The following BRIP1 variants were observed in gnomAD, a reference collection of about 807,000 sequenced individuals.
BRIP1 encodes the protein BRCA1 interacting DNA helicase 1, also known as Fanconi anemia group J protein.
Under a neutral mutation model 119.7 loss-of-function variants are expected in BRIP1, and 88 were observed. That is an observed-to-expected ratio of 0.74 (90% CI 0.62 to 0.88). The LOEUF (loss-of-function observed/expected upper bound fraction) is 0.88. Ranked by LOEUF, BRIP1 falls within the 40% of genes least tolerant of loss-of-function variation. The probability of loss-of-function intolerance (pLI) is 0.00; values close to 1 mark genes in which losing one functional copy is unlikely to be tolerated. For synonymous variants in BRIP1, 443 were observed against 496.5 expected (o/e 0.89, Z 1.43); for missense variants, 1,259 against 1,455.4 (o/e 0.87, Z 2.20).
At position 61,793,811 on chromosome 17, in the gene BRIP1, T is replaced by C. The variant is rs2077859182; in HGVS notation, c.1341-82A>G. The stretch of plus-strand genomic sequence containing the variant: ...AGCAGAACAAGAGAATCATCATTAT[T>C]GTCATGCGTTGATCTGTATATCTTG... On this transcript the variant is annotated intron_variant, in intron 9 of 19. Transcript: ENST00000259008. The surrounding 1 kb of genome is among the most constrained non-coding windows in gnomAD (Gnocchi z 5.2). The C allele has an allele frequency of 7.1e-7, 1 of 1,404,208 alleles. No homozygotes were observed. The highest frequency in any genetic ancestry group is 1.4e-5 in the African/African-American group (1 of 70,516). The allele number at this position is 1,404,208 out of a possible 1,614,324, so 87.0% of individuals were successfully genotyped here.
Position 61,757,145 on chromosome 17 carries a change from T to A in BRIP1, c.2098-12554A>T, listed in dbSNP as rs1161355297. 6.6e-6 allele frequency among the ~76,000 whole-genome samples: 1 copy of A among 152,192 alleles called. No individual in the cohort carries two copies. Among genetic ancestry groups the A allele is most frequent in the African/African-American group, 2.4e-5 (1 of 41,462 alleles). The stretch of plus-strand genomic sequence containing the variant: ...AAAAAGAGTTCCTTTTAAATACTAA[T>A]AAAAATGAAAAAGTAGTAGTGTTTT... On this transcript the variant is annotated intron_variant, in intron 14 of 19. Transcript: ENST00000259008. The surrounding 1 kb of genome is among the most constrained non-coding windows in gnomAD (Gnocchi z 4.3).
At chr17:61,786,934 T>C (rs1394812546) in intron 10 of BRIP1, among the ~76,000 whole-genome samples, 1 of 6,724 alleles carries the variant, frequency 1.5e-4, no homozygotes, top group African/African-American at 1.2e-3. Flanking sequence ...TATTTATATA[T>C]AATATATTTA....
In BRIP1 at chr17:61,724,001, C is replaced by T. The variant is rs1343307057; in HGVS notation, c.2380-7938G>A. On this transcript the variant is annotated intron_variant, in intron 16 of 19. Coordinates refer to ENST00000259008, the MANE Select transcript of BRIP1 (RefSeq NM_032043.3). This position sits in a 1 kb window ranked among gnomAD's most constrained non-coding sequence, Gnocchi z 5.1. ...CATGTAGCTGCTTGAGTTTGCAACC[C>T]ATTGGTTCAGATGCTGCATAGATTC... Among the ~76,000 whole-genome samples, 3 of 151,992 alleles carry T rather than the reference C, an allele frequency of 2.0e-5. No individual in the cohort carries two copies. Among genetic ancestry groups the T allele is most frequent in the African/African-American group, 4.8e-5 (2 of 41,386 alleles).
At chr17:61,859,049 C>CAAAAAA in intron 3 of BRIP1, among the ~76,000 whole-genome samples, 1 of 45,120 alleles carries the variant, frequency 2.2e-5, no homozygotes, top group Non-Finnish European at 4.7e-5. Flanking sequence ...TGACGCCACT[C>CAAAAAA]AAAAAAAAAA....
intron 16 of BRIP1, among the ~76,000 whole-genome samples, chr17:61,721,382 G>A (rs1386081318): frequency 6.8e-6 from 1 of 146,714 alleles, no homozygotes; most frequent in Non-Finnish European, 1.5e-5. Flanking sequence ...AGATTCTCCT[G>A]CCTCAGCCTC....
intron 14 of BRIP1, among the ~76,000 whole-genome samples, chr17:61,773,000 C>T (rs962576736): frequency 4.6e-5 from 7 of 151,694 alleles, no homozygotes; most frequent in African/African-American, 1.7e-4. Context: ...TATAACCATT[C>T]TAACATTATT....
Position 61,743,153 on chromosome 17 carries a change from G to C in BRIP1, c.2258-19C>G, listed in dbSNP as rs1057524575. 6.2e-7 allele frequency: 1 copy of C among 1,613,230 alleles called. No homozygotes were observed. The highest frequency in any genetic ancestry group is 1.1e-5 in the South Asian group (1 of 91,056). On this transcript the variant is annotated intron_variant, in intron 15 of 19. Coordinates refer to ENST00000259008, the MANE Select transcript of BRIP1 (RefSeq NM_032043.3). The surrounding 1 kb of genome is among the most constrained non-coding windows in gnomAD (Gnocchi z 4.3). ...GCTCCATCTTAAACAACAGAAAAAAGCATATCCAAAATTCTCAGAAATTGC... is the reference window on the plus strand; with the variant it reads ...GCTCCATCTTAAACAACAGAAAAAACCATATCCAAAATTCTCAGAAATTGC...
chr17:61,777,265 A>G (rs1324309121), intron 13 of BRIP1, among the ~76,000 whole-genome samples: 1 of 152,104 alleles, frequency 6.6e-6, no homozygotes, highest in African/African-American at 2.4e-5. Context: ...CATTGAGTAG[A>G]AAAAAACAAA....
intron 13 of BRIP1, among the ~76,000 whole-genome samples, chr17:61,779,640 A>G (rs2077583994): frequency 6.6e-6 from 1 of 151,978 alleles, no homozygotes; most frequent in Non-Finnish European, 1.5e-5. Flanking sequence ...AGTAAAAATA[A>G]AAATACAGAG....
chr17:61,747,231 A>C (rs2077069949), intron 14 of BRIP1, among the ~76,000 whole-genome samples: 1 of 152,142 alleles, frequency 6.6e-6, no homozygotes, highest in Non-Finnish European at 1.5e-5. Flanking sequence ...ATTAAAAAAG[A>C]AAGATCTCAA....
chr17:61,797,135 A>T (rs1034212785), intron 9 of BRIP1, among the ~76,000 whole-genome samples: 8 of 151,976 alleles, frequency 5.3e-5, no homozygotes, highest in African/African-American at 1.7e-4. Flanking sequence ...GAAGCTAGAG[A>T]CATAGGTTCA....
At chr17:61,858,128 T>G (rs560077995) in intron 3 of BRIP1, among the ~76,000 whole-genome samples, 41 of 152,280 alleles carry the variant, frequency 2.7e-4, no homozygotes, top group African/African-American at 9.1e-4. Flanking sequence ...TGTAATAAGT[T>G]TACATTGTGT....
In BRIP1 at chr17:61,778,538, G is replaced by A. The variant is rs145467673; in HGVS notation, c.1935+1723C>T. Among the ~76,000 whole-genome samples, 865 of 152,260 alleles carry A rather than the reference G, an allele frequency of 5.7e-3. 5 individuals carry two copies. The highest frequency in any genetic ancestry group is 0.02 in the African/African-American group (827 of 41,550). The stretch of plus-strand genomic sequence containing the variant: ...TTTTAAGTTGAAGGAAAATATTACA[G>A]TGTAACAGAATCCAGCTGCACAACT... On this transcript the variant is annotated intron_variant, in intron 13 of 19. Coordinates refer to ENST00000259008, the MANE Select transcript of BRIP1 (RefSeq NM_032043.3). This position sits in a 1 kb window ranked among gnomAD's most constrained non-coding sequence, Gnocchi z 4.4.
In BRIP1 at chr17:61,856,243, G is replaced by C. The variant is rs1015720398; in HGVS notation, c.379+815C>G. Reference sequence around the variant, plus strand: ...TCTACCCTCCTCTATATAGTCACATGCTTTAGAGGAAGCTGACTCCATCCT... The same window carrying C: ...TCTACCCTCCTCTATATAGTCACATCCTTTAGAGGAAGCTGACTCCATCCT... On this transcript the variant is annotated intron_variant, in intron 4 of 19. Coordinates refer to ENST00000259008, the MANE Select transcript of BRIP1 (RefSeq NM_032043.3). This position sits in a 1 kb window ranked among gnomAD's most constrained non-coding sequence, Gnocchi z 5.1. Among the ~76,000 whole-genome samples the C allele has an allele frequency of 1.3e-5, 2 of 152,150 alleles. No individual in the cohort carries two copies. The highest frequency in any genetic ancestry group is 4.8e-5 in the African/African-American group (2 of 41,436).
chr17:61,684,051 T>C lies in BRIP1; in HGVS notation c.2995A>G (p.Arg999Gly), dbSNP rs2061323811. Residue 999 changes from arginine (R) to glycine (G), a missense_variant, in exon 20 of 20, where the codon AGA (arginine) becomes GGA (glycine). Around this residue, in one of 3 missense-constraint regions of BRIP1, gnomAD observed 753 missense variants for 891.8 expected, o/e 0.84. Coordinates refer to ENST00000259008, the MANE Select transcript of BRIP1 (RefSeq NM_032043.3). This position sits in a 1 kb window ranked among gnomAD's most constrained non-coding sequence, Gnocchi z 4.5. Reference sequence around the variant, plus strand: ...GAATTAAAGCTTGACCAGCTAACTCTCTTTGTTTGTTTGTTGAAAGTTGGG... The same window carrying C: ...GAATTAAAGCTTGACCAGCTAACTCCCTTTGTTTGTTTGTTGAAAGTTGGG... ...TSPTFNKQTK[R>G]VSWSSFNSLG... The C allele has an allele frequency of 6.2e-7, 1 of 1,613,596 alleles. No homozygotes were observed. Among genetic ancestry groups the C allele is most frequent in the African/African-American group, 1.3e-5 (1 of 74,838 alleles).
chr17:61,752,963 T>A lies in BRIP1; in HGVS notation c.2098-8372A>T, dbSNP rs2077151600. On this transcript the variant is annotated intron_variant, in intron 14 of 19. Transcript: ENST00000259008. This position sits in a 1 kb window ranked among gnomAD's most constrained non-coding sequence, Gnocchi z 6.2. ...TTGTCCTCTCCAAAATGTTGAAATT[T>A]AATCTCTAATGTGGCAGCATTGAGA... 6.6e-6 allele frequency among the ~76,000 whole-genome samples: 1 copy of A among 152,212 alleles called. No individual in the cohort carries two copies. The highest frequency in any genetic ancestry group is 1.5e-5 in the Non-Finnish European group (1 of 68,046).
chr17:61,693,532 AG>A lies in BRIP1; in HGVS notation c.2493-21del. On this transcript the variant is annotated intron_variant, in intron 17 of 19. Coordinates refer to ENST00000259008, the MANE Select transcript of BRIP1 (RefSeq NM_032043.3). The surrounding 1 kb of genome is among the most constrained non-coding windows in gnomAD (Gnocchi z 4.2). The stretch of plus-strand genomic sequence containing the variant: ...ATACATCTAGAAAAAATAGGGAAAA[AG>A]TCAAATAATTATAACATCGGAAATA... The A allele has an allele frequency of 6.3e-7, 1 of 1,577,428 alleles. No homozygotes were observed. Among genetic ancestry groups the A allele is most frequent in the Non-Finnish European group, 8.7e-7 (1 of 1,146,864 alleles).
At chr17:61,772,820 G>GAAAAA (rs71355193) in intron 14 of BRIP1, among the ~76,000 whole-genome samples, 39 of 53,556 alleles carry the variant, frequency 7.3e-4, no homozygotes, top group African/African-American at 1.5e-3. Flanking sequence ...TTCCATCTCA[G>GAAAAA]AAAAAAAAAA....
In BRIP1 at chr17:61,849,205, G is replaced by A. The variant is rs1555616182; in HGVS notation, c.431C>T (p.Ala144Val). The A allele has an allele frequency of 1.2e-6, 2 of 1,612,528 alleles. No individual in the cohort carries two copies. Among genetic ancestry groups the A allele is most frequent in the Non-Finnish European group, 1.7e-6 (2 of 1,178,870 alleles). The change falls in exon 5 of 20, where the codon GCA becomes GTA. Residue 144 changes from alanine (A) to valine (V), a missense_variant. Physicochemically the swap from Ala to Val is moderately conservative, Grantham distance 64. This residue lies in a region of BRIP1 where 501 missense variants were observed against 544.0 expected (regional missense o/e 0.92). Transcript: ENST00000259008. Reference protein sequence around the residue: ...LAAKLSAKKQASIYRDENDDF... With the variant: ...LAAKLSAKKQVSIYRDENDDF... Reference sequence around the variant, plus strand: ...ATCATTTTCATCTCTGTATATGGATGCCTGTTTCTTAGCAGATAACTTTGC... The same window carrying A: ...ATCATTTTCATCTCTGTATATGGATACCTGTTTCTTAGCAGATAACTTTGC...
Sources: gnomAD v4.1 joint callset for allele counts (sites outside exome capture counted in the v4.1 genomes callset) on GRCh38, gnomAD v4.1.1 for gene constraint, gnomAD v4.1.1 regional missense constraint, Gnocchi (gnomAD v3.1) non-coding constraint, MANE v1.5 for transcripts, NCBI Gene and HGNC (gene_info 2026-07-23, HGNC 2026-07-21) for gene names.